CTNNA3: variants seen among roughly 807,000 people sequenced by gnomAD.
CTNNA3 encodes the protein catenin alpha 3, also known as catenin alpha-3.
A neutral mutation model predicts 95.7 loss-of-function variants in CTNNA3; 76 were observed. The observed-to-expected ratio is 0.79, with a 90% CI of 0.66 to 0.96. The LOEUF is 0.96. CTNNA3 is among the 40% of genes least tolerant of loss of function. CTNNA3 has a pLI of 0.00. For missense variants in CTNNA3, 1,191 were observed against 1,089.8 expected, an observed-to-expected ratio of 1.09 and a Z score of -1.31; for synonymous variants, 431 against 374.4, an observed-to-expected ratio of 1.15 and a Z score of -1.74.
chr10:67,657,932 T>C (rs545752026), intron 1 of CTNNA3, among the ~76,000 whole-genome samples: 6 of 151,720 alleles, frequency 4.0e-5, no homozygotes, highest in Non-Finnish European at 7.4e-5. Context: ...CTGCAAGTGT[T>C]AGCAGAAAGG....
chr10:66,986,646 G>T (rs1033265074), intron 7 of CTNNA3, among the ~76,000 whole-genome samples: 1 of 152,112 alleles, frequency 6.6e-6, no homozygotes, highest in Non-Finnish European at 1.5e-5. Context: ...AAGAATTTTA[G>T]AATGAATCAA....
At chr10:66,950,490 G>C (rs1272595224) in intron 7 of CTNNA3, among the ~76,000 whole-genome samples, 1 of 151,992 alleles carries the variant, frequency 6.6e-6, no homozygotes, top group South Asian at 2.1e-4. Flanking sequence ...TGAGACTCTA[G>C]TATATTAAAC....
chr10:67,221,905 A>T (rs1864678024), intron 5 of CTNNA3, among the ~76,000 whole-genome samples: 1 of 152,190 alleles, frequency 6.6e-6, no homozygotes, highest in Admixed American at 6.5e-5. Context: ...TAGCTTATAA[A>T]GTGCTTCTAT....
chr10:66,425,699 CAT>C (rs1491107492), intron 11 of CTNNA3, among the ~76,000 whole-genome samples: 5 of 147,392 alleles, frequency 3.4e-5, no homozygotes, highest in African/African-American at 1.3e-4. Flanking sequence ...CACACACACA[CAT>C]ATATACACAC....
chr10:67,033,954 T>G (rs774812250), intron 7 of CTNNA3, among the ~76,000 whole-genome samples: 9 of 152,112 alleles, frequency 5.9e-5, no homozygotes, highest in Non-Finnish European at 1.0e-4. Context: ...GTATTTTTAA[T>G]AGAGACCAGG....
At position 67,386,103 on chromosome 10, in the gene CTNNA3, C is replaced by T. The variant is rs539337918; in HGVS notation, c.579+135739G>A. ...CTATAATGTACAATATAAGTATATG[C>T]CAATATTCTAACTTCCAAATAAAAC... is the stretch of plus-strand genomic sequence containing the variant. On this transcript the variant is annotated intron_variant, in intron 5 of 17. Coordinates refer to ENST00000433211, the MANE Select transcript of CTNNA3 (RefSeq NM_013266.4). Among the ~76,000 whole-genome samples, 7 of 152,058 alleles carry T rather than the reference C, an allele frequency of 4.6e-5. No homozygotes were observed. In the South Asian group the frequency reaches 1.2e-3, roughly 27 times the overall value.
intron 7 of CTNNA3, among the ~76,000 whole-genome samples, chr10:67,035,668 T>C (rs1056442406): frequency 6.6e-6 from 1 of 152,174 alleles, no homozygotes; most frequent in Admixed American, 6.5e-5. Flanking sequence ...CCTCCCTCAG[T>C]ACTCAAAATT....
rs187325230 is a variant in CTNNA3 at position 66,005,202 on chromosome 10, C to T, written c.2160-16405G>A. Among the ~76,000 whole-genome samples, 103 of 152,258 alleles carry T rather than the reference C, an allele frequency of 6.8e-4. 1 individual carries two copies. Among genetic ancestry groups the T allele is most frequent in the African/African-American group, 2.4e-3 (101 of 41,550 alleles). On this transcript the variant is annotated intron_variant, in intron 15 of 17. Transcript: ENST00000433211. ...GACTCCTATAATATCATTGGACCAA[C>T]ACAGATGATTTACAATAATCTCTCC... is the stretch of plus-strand genomic sequence containing the variant.
chr10:66,340,542 G>T (rs1292390584), intron 12 of CTNNA3, among the ~76,000 whole-genome samples: 1 of 151,662 alleles, frequency 6.6e-6, no homozygotes, highest in Non-Finnish European at 1.5e-5. Context: ...AGACAGGAAG[G>T]AGCCTATACT....
At chr10:67,397,526 G>A (rs529240752) in intron 5 of CTNNA3, among the ~76,000 whole-genome samples, 46 of 152,176 alleles carry the variant, frequency 3.0e-4, no homozygotes, top group Non-Finnish European at 5.4e-4. Flanking sequence ...ATAAAAGTTC[G>A]GAAAATTTGC....
At chr10:66,987,451 A>T (rs1404095899) in intron 7 of CTNNA3, among the ~76,000 whole-genome samples, 2 of 152,180 alleles carry the variant, frequency 1.3e-5, no homozygotes, top group East Asian at 3.9e-4. Flanking sequence ...AAAAATGCTG[A>T]GGCTTGGGGT....
intron 10 of CTNNA3, among the ~76,000 whole-genome samples, chr10:66,577,842 T>A (rs528186028): frequency 1.3e-5 from 2 of 152,136 alleles, no homozygotes; most frequent in African/African-American, 4.8e-5. Flanking sequence ...AGAATAACTT[T>A]TTCTAATTCT....
intron 7 of CTNNA3, among the ~76,000 whole-genome samples, chr10:67,133,306 G>GATAT (rs56800232): frequency 0.025 from 2,465 of 97,640 alleles, 196 homozygotes; most frequent in African/African-American, 0.088. Context: ...CATATTGCCT[G>GATAT]ATATATATAT....
intron 11 of CTNNA3, among the ~76,000 whole-genome samples, chr10:66,450,689 T>C (rs2093457764): frequency 6.6e-6 from 1 of 152,122 alleles, no homozygotes; most frequent in Non-Finnish European, 1.5e-5. Context: ...AGAAGAAAAT[T>C]GTGCTAAACT....
chr10:67,229,648 T>A (rs1865095789), intron 5 of CTNNA3, among the ~76,000 whole-genome samples: 1 of 152,118 alleles, frequency 6.6e-6, no homozygotes, highest in Admixed American at 6.5e-5. Context: ...TATACACAAA[T>A]CAGTAGCTCT....
chr10:67,181,612 A>G (rs999076189), intron 6 of CTNNA3, among the ~76,000 whole-genome samples: 1 of 152,112 alleles, frequency 6.6e-6, no homozygotes, highest in Non-Finnish European at 1.5e-5. Context: ...GTATAAGATT[A>G]TAGATATGTA....
intron 17 of CTNNA3, among the ~76,000 whole-genome samples, chr10:65,921,222 T>C (rs2133109089): frequency 6.6e-6 from 1 of 152,338 alleles, no homozygotes; most frequent in Non-Finnish European, 1.5e-5. Flanking sequence ...AGGTGGAGTT[T>C]AGCAACAATA....
chr10:66,243,607 C>A (rs1238964502), intron 13 of CTNNA3, among the ~76,000 whole-genome samples: 1 of 152,118 alleles, frequency 6.6e-6, no homozygotes, highest in Admixed American at 6.5e-5. Context: ...AGGACCAAAC[C>A]AATGTACATC....
chr10:67,539,636 G>C lies in CTNNA3; in HGVS notation c.326C>G (p.Thr109Arg). ...EALKVSAERF[T>R]DDPCFLPKRE... Reference sequence around the variant, plus strand: ...TTTTGGGAGAAAACAGGGGTCATCTGTAAATCTCTCAGCTGATACTTTCAG... The same window carrying C: ...TTTTGGGAGAAAACAGGGGTCATCTCTAAATCTCTCAGCTGATACTTTCAG... The change falls in exon 4 of 18, where the codon ACA becomes AGA. Residue 109 changes from threonine (T) to arginine (R), a missense_variant. Coordinates refer to ENST00000433211, the MANE Select transcript of CTNNA3 (RefSeq NM_013266.4). 1 of 1,613,676 alleles carries C rather than the reference G, an allele frequency of 6.2e-7. No individual in the cohort carries two copies. The highest frequency in any genetic ancestry group is 8.5e-7 in the Non-Finnish European group (1 of 1,179,714).
Sources: gnomAD v4.1 joint callset for allele counts (sites outside exome capture counted in the v4.1 genomes callset) on GRCh38, gnomAD v4.1.1 for gene constraint, MANE v1.5 for transcripts, NCBI Gene and HGNC (gene_info 2026-07-23, HGNC 2026-07-21) for gene names.